The following SDK2 variants were observed in gnomAD, a reference collection of about 807,000 sequenced individuals.
SDK2 encodes sidekick cell adhesion molecule 2.
A neutral mutation model predicts 253.9 loss-of-function variants in SDK2; 105 were observed. The observed-to-expected ratio is 0.41, with a 90% confidence interval of 0.35 to 0.49. The LOEUF is 0.49. Among genes scored for constraint, SDK2 ranks in the 20% least tolerant of loss-of-function variants. The pLI is 0.06. For synonymous variants in SDK2, 1,249 were observed against 1,234.9 expected (o/e 1.01, Z -0.24); for missense variants, 2,608 against 3,003.0 (o/e 0.87, Z 3.07).
intron 1 of SDK2, among the ~76,000 whole-genome samples, chr17:73,638,445 G>A (rs1399702558): frequency 6.6e-6 from 1 of 152,182 alleles, no homozygotes; most frequent in Non-Finnish European, 1.5e-5. Flanking sequence ...AGGGTGCTCC[G>A]AGATGGATAA....
chr17:73,583,405 C>T (rs1004014555), intron 1 of SDK2, among the ~76,000 whole-genome samples: 4 of 152,132 alleles, frequency 2.6e-5, no homozygotes, highest in Admixed American at 1.3e-4. Context: ...GGGTCTGCTA[C>T]GAGGGTGGAA....
At chr17:73,601,499 G>A (rs2045839671) in intron 1 of SDK2, among the ~76,000 whole-genome samples, 1 of 152,150 alleles carries the variant, frequency 6.6e-6, no homozygotes, top group African/African-American at 2.4e-5. Context: ...CTGTGAAGAG[G>A]GAAATTTAGA....
At chr17:73,549,052 C>T (rs1354208852) in intron 1 of SDK2, among the ~76,000 whole-genome samples, 2 of 152,256 alleles carry the variant, frequency 1.3e-5, no homozygotes, top group African/African-American at 2.4e-5. Context: ...TCAGCCTTCC[C>T]GTTGTTGGCC....
intron 1 of SDK2, among the ~76,000 whole-genome samples, chr17:73,640,221 A>G (rs557489629): frequency 8.6e-5 from 13 of 151,206 alleles, no homozygotes; most frequent in Non-Finnish European, 1.6e-4. Context: ...GGCAGTCGAT[A>G]AATATTTGCC....
intron 24 of SDK2, among the ~76,000 whole-genome samples, chr17:73,396,994 C>T (rs534809798): frequency 1.3e-5 from 2 of 152,244 alleles, no homozygotes; most frequent in African/African-American, 2.4e-5. Context: ...TGGCCGCTAG[C>T]ATCAAGCTGT....
intron 1 of SDK2, among the ~76,000 whole-genome samples, chr17:73,573,504 A>G (rs2045416152): frequency 6.6e-6 from 1 of 151,962 alleles, no homozygotes; most frequent in African/African-American, 2.4e-5. Flanking sequence ...AGCTGCTAGG[A>G]CCCCAAACCT....
chr17:73,358,215 C>T lies in SDK2; in HGVS notation c.5468-11G>A, dbSNP rs746000714. On this transcript the variant is annotated splice_polypyrimidine_tract_variant and intron_variant, in intron 39 of 44. Transcript: ENST00000392650. ...GCGGTCCTGGGGCACCTGCAGACAG[C>T]ACACAGAGGCGAGGGATGTATGGAA... The T allele has an allele frequency of 6.3e-7, 1 of 1,592,152 alleles. No individual in the cohort carries two copies. Among genetic ancestry groups the T allele is most frequent in the South Asian group, 1.1e-5 (1 of 87,316 alleles).
At position 73,490,366 on chromosome 17, in the gene SDK2, C is replaced by G. The variant is rs12941697; in HGVS notation, c.224+17072G>C. On this transcript the variant is annotated intron_variant, in intron 2 of 44. Coordinates refer to ENST00000392650, the MANE Select transcript of SDK2 (RefSeq NM_001144952.2). ...TTTGCTCTGCCCAGGTAGCTCTGCT[C>G]TAAGGGATGGTAGACACAGGTGGAG... Among the ~76,000 whole-genome samples the G allele has an allele frequency of 2.6e-5, 4 of 152,282 alleles. No homozygotes were observed. In the South Asian group the frequency reaches 6.2e-4, roughly 24 times the overall value.
chr17:73,498,182 A>G (rs927373366), intron 2 of SDK2, among the ~76,000 whole-genome samples: 4 of 152,200 alleles, frequency 2.6e-5, no homozygotes, highest in Admixed American at 2.6e-4. Context: ...ACCGGCACCC[A>G]TTGTAGTAAC....
intron 1 of SDK2, among the ~76,000 whole-genome samples, chr17:73,586,591 G>C (rs114887742): frequency 1.7e-4 from 26 of 151,890 alleles, no homozygotes; most frequent in African/African-American, 6.1e-4. Flanking sequence ...CTGATGCTTC[G>C]GTGGACTGCA....
intron 16 of SDK2, among the ~76,000 whole-genome samples, chr17:73,418,552 C>T (rs892707209): frequency 5.3e-5 from 8 of 152,164 alleles, no homozygotes; most frequent in Admixed American, 2.6e-4. Flanking sequence ...ATGAGACACA[C>T]GAAGTTGCAT....
chr17:73,549,520 C>T (rs2045021451), intron 1 of SDK2, among the ~76,000 whole-genome samples: 1 of 152,148 alleles, frequency 6.6e-6, no homozygotes, highest in African/African-American at 2.4e-5. Context: ...CATAGACCAA[C>T]TGAAGAGGAA....
At chr17:73,620,623 A>G (rs1431204609) in intron 1 of SDK2, among the ~76,000 whole-genome samples, 1 of 152,254 alleles carries the variant, frequency 6.6e-6, no homozygotes, top group Non-Finnish European at 1.5e-5. Context: ...AAATGGCACA[A>G]AAGTCCATTA....
chr17:73,555,738 T>A (rs934595921), intron 1 of SDK2, among the ~76,000 whole-genome samples: 2 of 152,210 alleles, frequency 1.3e-5, no homozygotes, highest in African/African-American at 4.8e-5. Context: ...TGTCGGCGGA[T>A]TAGCAGCTCT....
intron 1 of SDK2, among the ~76,000 whole-genome samples, chr17:73,552,459 G>A (rs778500063): frequency 1.3e-5 from 2 of 152,196 alleles, no homozygotes; most frequent in Non-Finnish European, 2.9e-5. Flanking sequence ...CTGGAGTGGC[G>A]CAGGGGACCC....
intron 1 of SDK2, among the ~76,000 whole-genome samples, chr17:73,573,284 G>C (rs2045413489): frequency 6.6e-6 from 1 of 152,184 alleles, no homozygotes; most frequent in South Asian, 2.1e-4. Flanking sequence ...ATGAGTCTAA[G>C]GAGGGTGAGT....
At chr17:73,557,427 T>C (rs1210643338) in intron 1 of SDK2, among the ~76,000 whole-genome samples, 1 of 151,996 alleles carries the variant, frequency 6.6e-6, no homozygotes, top group African/African-American at 2.4e-5. Flanking sequence ...CTCAGCCTCC[T>C]GAGTAGCTGG....
intron 1 of SDK2, among the ~76,000 whole-genome samples, chr17:73,607,682 G>T (rs1173992746): frequency 1.3e-5 from 2 of 152,116 alleles, no homozygotes; most frequent in Non-Finnish European, 2.9e-5. Context: ...TTTCCAGAAG[G>T]GGTTGCAGGG....
intron 4 of SDK2, among the ~76,000 whole-genome samples, chr17:73,451,125 T>C (rs2063487366): frequency 6.6e-6 from 1 of 152,256 alleles, no homozygotes; most frequent in Non-Finnish European, 1.5e-5. Context: ...GCGATCCTCA[T>C]GTCTGCCCCC....
Sources: allele counts gnomAD v4.1 joint callset (sites outside exome capture counted in the v4.1 genomes callset), GRCh38; gene constraint gnomAD v4.1.1; transcripts MANE v1.5; gene names NCBI Gene and HGNC (gene_info 2026-07-23, HGNC 2026-07-21).